KCNMA1: variants seen among roughly 807,000 people sequenced by gnomAD.
KCNMA1 encodes potassium calcium-activated channel subfamily M alpha 1.
Under a neutral mutation model 140.0 loss-of-function variants are expected in KCNMA1, and 29 were observed. The ratio of observed to expected loss-of-function variants is 0.21; its 90% confidence interval spans 0.15 to 0.28. KCNMA1 has a LOEUF of 0.28. KCNMA1 is among the 10% of genes least tolerant of loss of function. KCNMA1 has a pLI of 1.00. For missense variants in KCNMA1, 880 were observed against 1,602.2 expected (o/e 0.55, Z 7.70); for synonymous variants, 612 against 611.9 (o/e 1.00, Z 0.00).
At chr10:77,584,938 A>G (rs754967608) in intron 1 of KCNMA1, among the ~76,000 whole-genome samples, 2 of 152,208 alleles carry the variant, frequency 1.3e-5, no homozygotes, top group African/African-American at 4.8e-5. Context: ...GCCAAGGGAC[A>G]CTGGAGCATG....
rs1244035737 is a variant in KCNMA1 at position 77,004,653 on chromosome 10, A to C, written c.2093-3073T>G. Among the ~76,000 whole-genome samples the C allele has an allele frequency of 3.3e-5, 5 of 152,204 alleles. No individual in the cohort carries two copies. The East Asian group carries it at 9.6e-4, about 29-fold the overall frequency. On this transcript the variant is annotated intron_variant, in intron 18 of 27. Coordinates refer to ENST00000286628, the MANE Select transcript of KCNMA1 (RefSeq NM_001161352.2). Reference sequence around the variant, plus strand: ...CAGAAGAATTGAACACTCTCTGTGTAAAATTATACTCTTAAGTTGTAAAAT... The same window carrying C: ...CAGAAGAATTGAACACTCTCTGTGTCAAATTATACTCTTAAGTTGTAAAAT...
intron 24 of KCNMA1, chr10:76,913,762 A>G (rs1476317084): frequency 3.0e-6 from 1 of 338,302 alleles, no homozygotes; most frequent in African/African-American, 2.1e-5. Flanking sequence ...AAAGTGGGGA[A>G]AAAAGGCTCA....
At chr10:76,877,955 T>G in intron 29 of KCNMA1, 1 of 1,513,486 alleles carries the variant, frequency 6.6e-7, no homozygotes, top group Non-Finnish European at 9.1e-7. Context: ...AGTCCTAGGG[T>G]AAAGCCTTTG....
At chr10:77,143,057 C>T (rs1221210531) in intron 5 of KCNMA1, among the ~76,000 whole-genome samples, 1 of 151,864 alleles carries the variant, frequency 6.6e-6, no homozygotes, top group African/African-American at 2.4e-5. Context: ...AAAGAGAACC[C>T]AACTTGATTT....
In KCNMA1 at chr10:77,245,168, A is replaced by G. The variant is rs548062526; in HGVS notation, c.602+6027T>C. ...AATGCATGCCGTGACTTCTCAAAAA[A>G]GGGCATGAAGGCAGACAGCTGGAGC... is the stretch of plus-strand genomic sequence containing the variant. On this transcript the variant is annotated intron_variant, in intron 3 of 27. Coordinates refer to ENST00000286628, the MANE Select transcript of KCNMA1 (RefSeq NM_001161352.2). Among the ~76,000 whole-genome samples, 3 of 152,290 alleles carry G rather than the reference A, an allele frequency of 2.0e-5. No homozygotes were observed. The East Asian group carries it at 5.8e-4, about 29-fold the overall frequency.
At chr10:77,081,994 CT>C (rs1470602558) in intron 12 of KCNMA1, among the ~76,000 whole-genome samples, 1 of 68,526 alleles carries the variant, frequency 1.5e-5, no homozygotes, top group African/African-American at 6.4e-5. Context: ...CCAGTAATTT[CT>C]TTTTTTCTTT....
intron 2 of KCNMA1, among the ~76,000 whole-genome samples, chr10:77,306,294 A>G (rs1565869269): frequency 6.6e-6 from 1 of 152,252 alleles, no homozygotes; most frequent in Non-Finnish European, 1.5e-5. Flanking sequence ...ATGGGGGTTC[A>G]TTAGGGAATG....
chr10:76,935,467 T>G (rs1183428630), intron 23 of KCNMA1, among the ~76,000 whole-genome samples: 1 of 152,200 alleles, frequency 6.6e-6, no homozygotes, highest in East Asian at 1.9e-4. Context: ...TGCCCTTGAC[T>G]AGCTATAAGG....
chr10:77,224,933 C>T (rs576908574), intron 3 of KCNMA1, among the ~76,000 whole-genome samples: 1 of 152,194 alleles, frequency 6.6e-6, no homozygotes, highest in Non-Finnish European at 1.5e-5. Flanking sequence ...GGCGCCGCTG[C>T]TCCCACTTGT....
chr10:76,909,088 C>T (rs1263890496), intron 25 of KCNMA1, among the ~76,000 whole-genome samples: 1 of 152,192 alleles, frequency 6.6e-6, no homozygotes, highest in Admixed American at 6.5e-5. Flanking sequence ...GCCACTAACT[C>T]CTCCCTCCTT....
chr10:76,963,925 G>C (rs1248610537), intron 20 of KCNMA1, among the ~76,000 whole-genome samples: 1 of 152,024 alleles, frequency 6.6e-6, no homozygotes, highest in Non-Finnish European at 1.5e-5. Flanking sequence ...TTAGGCCTTA[G>C]GTGGTCTCCT....
chr10:77,301,596 GATA>G (rs2076537339), intron 2 of KCNMA1, among the ~76,000 whole-genome samples: 1 of 151,564 alleles, frequency 6.6e-6, no homozygotes, highest in Non-Finnish European at 1.5e-5. Context: ...TACTTTCATA[GATA>G]CAGTCCATCA....
chr10:77,352,748 GT>G (rs2093047591), intron 2 of KCNMA1, among the ~76,000 whole-genome samples: 1 of 152,138 alleles, frequency 6.6e-6, no homozygotes, highest in Non-Finnish European at 1.5e-5. Context: ...GTGACTGGAA[GT>G]TTTAAGCTTT....
At chr10:77,073,063 C>A in intron 14 of KCNMA1, 34 bp downstream of exon 14, 1 of 1,606,070 alleles carries the variant, frequency 6.2e-7, no homozygotes, top group South Asian at 1.1e-5. Flanking sequence ...AATGGAATCC[C>A]GAGCTAATGT....
At chr10:77,142,506 T>A (rs543990209) in intron 5 of KCNMA1, among the ~76,000 whole-genome samples, 2 of 152,166 alleles carry the variant, frequency 1.3e-5, no homozygotes, top group Non-Finnish European at 2.9e-5. Context: ...AAATGTGACA[T>A]ACATACGCAA....
At chr10:77,144,329 C>T (rs910861056) in intron 5 of KCNMA1, among the ~76,000 whole-genome samples, 1 of 152,042 alleles carries the variant, frequency 6.6e-6, no homozygotes, top group Non-Finnish European at 1.5e-5. Context: ...AAAGTGAATA[C>T]CCTGCATGAT....
chr10:77,436,767 A>G (rs2097270333), intron 1 of KCNMA1, among the ~76,000 whole-genome samples: 1 of 152,208 alleles, frequency 6.6e-6, no homozygotes, highest in Non-Finnish European at 1.5e-5. Flanking sequence ...TCTGGCACAC[A>G]GTGCAATAAC....
At chr10:77,610,252 T>C (rs2086345525) in intron 1 of KCNMA1, among the ~76,000 whole-genome samples, 1 of 152,198 alleles carries the variant, frequency 6.6e-6, no homozygotes, top group African/African-American at 2.4e-5. Flanking sequence ...AATTATCTCA[T>C]TCATTGATTT....
chr10:77,143,001 T>C (rs534513630), intron 5 of KCNMA1, among the ~76,000 whole-genome samples: 143 of 152,236 alleles, frequency 9.4e-4, no homozygotes, highest in Non-Finnish European at 1.7e-3. Context: ...ATATTTATGG[T>C]GGAAATAATA....
Sources: allele counts gnomAD v4.1 joint callset (sites outside exome capture counted in the v4.1 genomes callset), GRCh38; gene constraint gnomAD v4.1.1; transcripts MANE v1.5; gene names NCBI Gene and HGNC (gene_info 2026-07-23, HGNC 2026-07-21).